The following GNA14 variants were observed in gnomAD, a reference collection of about 807,000 sequenced individuals.
The protein encoded by GNA14 is guanine nucleotide-binding protein subunit alpha-14.
Under a neutral mutation model 42.0 loss-of-function variants are expected in GNA14, and 50 were observed. The ratio of observed to expected loss-of-function variants is 1.19; its 90% CI spans 0.95 to 1.51. GNA14 has a LOEUF of 1.51. Ranked by LOEUF, GNA14 falls within the 40% of genes most tolerant of loss-of-function variation. The pLI is 0.00. For missense variants in GNA14, 473 were observed against 446.2 expected (o/e 1.06, Z -0.54); for synonymous variants, 173 against 163.1 (o/e 1.06, Z -0.46).
intron 2 of GNA14, among the ~76,000 whole-genome samples, chr9:77,461,171 G>A (rs1019099420): frequency 2.0e-5 from 3 of 152,204 alleles, no homozygotes; most frequent in African/African-American, 4.8e-5. Context: ...TGCAGGGGGT[G>A]GCATCCGCGC....
chr9:77,527,016 G>A (rs541083575), intron 2 of GNA14, among the ~76,000 whole-genome samples: 9 of 152,324 alleles, frequency 5.9e-5, no homozygotes, highest in Admixed American at 2.0e-4. Context: ...TGCTGCCAAC[G>A]TAAGCAGAAG....
chr9:77,554,851 T>C (rs1358262798), intron 1 of GNA14, among the ~76,000 whole-genome samples: 1 of 152,220 alleles, frequency 6.6e-6, no homozygotes, highest in African/African-American at 2.4e-5. Context: ...TTGCATGTTT[T>C]TGTGGCTGAG....
chr9:77,626,523 A>T (rs28871895), intron 1 of GNA14, among the ~76,000 whole-genome samples: 2,596 of 152,324 alleles, frequency 0.017, 89 homozygotes, highest in African/African-American at 0.059. Flanking sequence ...AAGAACTGAA[A>T]TAATAACAAA....
rs756093577 is a variant in GNA14, at chr9:77,552,065, G to A, written c.125-22812C>T. 4.0e-5 allele frequency among the ~76,000 whole-genome samples: 6 copies of A among 149,436 alleles called. No individual in the cohort carries two copies. The East Asian group carries it at 5.9e-4, about 15-fold the overall frequency. On this transcript the variant is annotated intron_variant, in intron 1 of 6. Transcript: ENST00000341700. ...TGAGGCAGGAGAATCACTTGAACCC[G>A]GGAGGCAGAGGTTGCAGTGAGCCAA...
Position 77,488,796 on chromosome 9 carries a change from A to C in GNA14, c.309+40273T>G, listed in dbSNP as rs1365070343. The stretch of plus-strand genomic sequence containing the variant: ...AAACACACCTAATTAAAAAAAAAAA[A>C]AAAAAAAAAAAAACAGAACAAGCCA... On this transcript the variant is annotated intron_variant, in intron 2 of 6. Transcript: ENST00000341700. Among the ~76,000 whole-genome samples, 6 of 150,346 alleles carry C rather than the reference A, an allele frequency of 4.0e-5. No individual in the cohort carries two copies. In the South Asian group the frequency reaches 1.0e-3, roughly 26 times the overall value.
chr9:77,615,385 G>C (rs968791867), intron 1 of GNA14, among the ~76,000 whole-genome samples: 8 of 151,950 alleles, frequency 5.3e-5, no homozygotes, highest in Admixed American at 5.2e-4. Context: ...TCTTTCTTCT[G>C]ATCAGGTCAG....
At chr9:77,486,973 C>G (rs1332876530) in intron 2 of GNA14, among the ~76,000 whole-genome samples, 1 of 150,376 alleles carries the variant, frequency 6.6e-6, no homozygotes, top group Non-Finnish European at 1.5e-5. Context: ...AAAATGAACC[C>G]AATAGACTTG....
chr9:77,462,795 A>G (rs531395869), intron 2 of GNA14, among the ~76,000 whole-genome samples: 1 of 151,998 alleles, frequency 6.6e-6, no homozygotes, highest in African/African-American at 2.4e-5. Flanking sequence ...TGACTCTGTC[A>G]TCTCCCTCAC....
intron 2 of GNA14, among the ~76,000 whole-genome samples, chr9:77,518,452 G>T (rs575833242): frequency 1.3e-5 from 2 of 152,192 alleles, no homozygotes; most frequent in Admixed American, 1.3e-4. Context: ...ACACAAAGCA[G>T]AGATACAGTG....
intron 2 of GNA14, among the ~76,000 whole-genome samples, chr9:77,527,894 C>G (rs139442130): frequency 0.051 from 7,767 of 152,276 alleles, 236 homozygotes; most frequent in Admixed American, 0.07. Context: ...CTTGGCCTCC[C>G]AAAGTGCTGG....
At chr9:77,629,699 G>C (rs559517025) in intron 1 of GNA14, among the ~76,000 whole-genome samples, 2 of 152,298 alleles carry the variant, frequency 1.3e-5, no homozygotes, top group Admixed American at 6.5e-5. Flanking sequence ...TGGACACAGT[G>C]AGGGGAACAT....
chr9:77,567,004 C>CTTCA (rs964505738), intron 1 of GNA14, among the ~76,000 whole-genome samples: 6 of 152,278 alleles, frequency 3.9e-5, no homozygotes, highest in African/African-American at 1.4e-4. Context: ...TTGGAATAAC[C>CTTCA]TTCATGTGTA....
chr9:77,535,144 G>T (rs2131772635), intron 1 of GNA14, among the ~76,000 whole-genome samples: 1 of 152,358 alleles, frequency 6.6e-6, no homozygotes, highest in Non-Finnish European at 1.5e-5. Flanking sequence ...GGGGCACTCT[G>T]CTTGGCCCCA....
chr9:77,443,428 C>T (rs975173722), intron 2 of GNA14, among the ~76,000 whole-genome samples: 2 of 152,220 alleles, frequency 1.3e-5, no homozygotes, highest in African/African-American at 4.8e-5. Context: ...AAGCTCACTG[C>T]ACCCACTCTG....
intron 1 of GNA14, among the ~76,000 whole-genome samples, chr9:77,549,353 C>G (rs1399965109): frequency 6.6e-6 from 1 of 152,192 alleles, no homozygotes; most frequent in East Asian, 1.9e-4. Flanking sequence ...CCTGTTGGAG[C>G]TCTGAAAGCT....
chr9:77,454,157 G>A (rs534929086), intron 2 of GNA14, among the ~76,000 whole-genome samples: 15 of 152,190 alleles, frequency 9.9e-5, no homozygotes, highest in Middle Eastern at 3.4e-3. Context: ...CCACACCCCC[G>A]GCTCCCCTCT....
At chr9:77,503,222 A>AT (rs1174924847) in intron 2 of GNA14, among the ~76,000 whole-genome samples, 1 of 152,164 alleles carries the variant, frequency 6.6e-6, no homozygotes, top group Non-Finnish European at 1.5e-5. Flanking sequence ...TAATTCTCAA[A>AT]TAGGACATGA....
chr9:77,635,354 T>C (rs1824167320), intron 1 of GNA14: 1 of 152,246 alleles, frequency 6.6e-6, no homozygotes. Flanking sequence ...AATGACAGCA[T>C]GCTATTCCAA....
chr9:77,442,496 C>T (rs111983233), intron 2 of GNA14, among the ~76,000 whole-genome samples: 1 of 152,182 alleles, frequency 6.6e-6, no homozygotes, highest in East Asian at 1.9e-4. Flanking sequence ...GGGCTTCTGT[C>T]GACTCTGGAA....
Sources: gnomAD v4.1 joint callset for allele counts (sites outside exome capture counted in the v4.1 genomes callset) on GRCh38, gnomAD v4.1.1 for gene constraint, MANE v1.5 for transcripts, NCBI Gene and HGNC (gene_info 2026-07-23, HGNC 2026-07-21) for gene names.